The following LSAMP variants were observed in gnomAD, a reference collection of about 807,000 sequenced individuals.
The protein encoded by LSAMP is limbic system-associated membrane protein.
In LSAMP, 7 loss-of-function variants were observed where a neutral mutation model predicts 38.6. The ratio of observed to expected loss-of-function variants is 0.18; its 90% confidence interval spans 0.10 to 0.34. The LOEUF is 0.34. Ranked by LOEUF, LSAMP falls within the 10% of genes least tolerant of loss-of-function variation. The pLI is 1.00. For missense variants in LSAMP, 313 were observed against 420.0 expected (o/e 0.75, Z 2.23); for synonymous variants, 154 against 166.8 (o/e 0.92, Z 0.59).
rs115726668 is a variant in LSAMP, at chr3:116,197,733, C to T, written c.156-111177G>A. ...ACTGGGAAACTGACAGTCAGGGATC[C>T]GTATTTTTATTTTACAGATGTCTTT... On this transcript the variant is annotated intron_variant, in intron 1 of 6. Transcript: ENST00000490035. Among the ~76,000 whole-genome samples the T allele has an allele frequency of 8.4e-3, 1,278 of 152,152 alleles. 20 individuals carry two copies. Among genetic ancestry groups the T allele is most frequent in the African/African-American group, 0.029 (1,191 of 41,514 alleles).
At chr3:116,241,329 G>T (rs1195759337) in intron 1 of LSAMP, among the ~76,000 whole-genome samples, 1 of 152,238 alleles carries the variant, frequency 6.6e-6, no homozygotes, top group African/African-American at 2.4e-5. Context: ...CACTTTGGGA[G>T]GCTGAGACAG....
chr3:116,153,976 A>C (rs1215538018), intron 1 of LSAMP, among the ~76,000 whole-genome samples: 2 of 152,142 alleles, frequency 1.3e-5, no homozygotes. Flanking sequence ...TTTATTCAAA[A>C]AAATTGACAA....
Position 116,124,288 on chromosome 3 carries a change from T to C in LSAMP, c.156-37732A>G, listed in dbSNP as rs73858543. Among the ~76,000 whole-genome samples, 800 of 152,282 alleles carry C rather than the reference T, an allele frequency of 5.3e-3. 8 individuals are homozygous for C. The highest frequency in any genetic ancestry group is 0.018 in the African/African-American group (736 of 41,548). ...GAATAGAAGACCTACCATTCATATA[T>C]CCTTAGGGAACCAAATACATCACTG... is the stretch of plus-strand genomic sequence containing the variant. On this transcript the variant is annotated intron_variant, in intron 1 of 6. Coordinates refer to ENST00000490035, the MANE Select transcript of LSAMP (RefSeq NM_002338.5).
At chr3:116,406,762 G>T (rs2048903198) in intron 1 of LSAMP, among the ~76,000 whole-genome samples, 1 of 151,912 alleles carries the variant, frequency 6.6e-6, no homozygotes, top group South Asian at 2.1e-4. Flanking sequence ...TAAAATAAAT[G>T]GTCACTTTTG....
intron 3 of LSAMP, among the ~76,000 whole-genome samples, chr3:115,965,167 C>T (rs1330796122): frequency 1.3e-5 from 2 of 151,676 alleles, no homozygotes; most frequent in African/African-American, 2.4e-5. Context: ...TTGATATATA[C>T]AAAGAAAGTA....
intron 1 of LSAMP, among the ~76,000 whole-genome samples, chr3:116,188,440 C>G (rs1576420227): frequency 6.6e-6 from 1 of 152,262 alleles, no homozygotes; most frequent in East Asian, 1.9e-4. Flanking sequence ...ATCTGTGAAG[C>G]CTCAGGGCTT....
chr3:116,113,676 C>T (rs1448021884), intron 1 of LSAMP, among the ~76,000 whole-genome samples: 4 of 151,838 alleles, frequency 2.6e-5, no homozygotes, highest in Admixed American at 6.6e-5. Context: ...CCGCCCGCCT[C>T]GGCCTCCCAA....
In LSAMP at chr3:116,271,615, CA is replaced by C. The variant is rs1253482273; in HGVS notation, c.155+173261del. Reference sequence around the variant, plus strand: ...GGCCACATGCTTTAGGAATATTGAGCAAAAACATTCTACTCTACTAACAGTA... The same window carrying C: ...GGCCACATGCTTTAGGAATATTGAGCAAAACATTCTACTCTACTAACAGTA... On this transcript the variant is annotated intron_variant, in intron 1 of 6. Transcript: ENST00000490035. 2.6e-5 allele frequency among the ~76,000 whole-genome samples: 4 copies of C among 151,820 alleles called. No homozygotes were observed. The East Asian group carries it at 5.9e-4, about 22-fold the overall frequency.
chr3:116,137,399 G>C (rs1709274226), intron 1 of LSAMP, among the ~76,000 whole-genome samples: 1 of 152,006 alleles, frequency 6.6e-6, no homozygotes, highest in Non-Finnish European at 1.5e-5. Flanking sequence ...ACTATACTGA[G>C]TTTTATTTTA....
At chr3:115,882,681 C>T (rs1936351792) in intron 3 of LSAMP, among the ~76,000 whole-genome samples, 1 of 152,044 alleles carries the variant, frequency 6.6e-6, no homozygotes, top group Non-Finnish European at 1.5e-5. Flanking sequence ...TATGAATTTT[C>T]ATATGTCACA....
intron 1 of LSAMP, among the ~76,000 whole-genome samples, chr3:116,155,254 T>C (rs1160273899): frequency 6.6e-6 from 1 of 152,096 alleles, no homozygotes; most frequent in Non-Finnish European, 1.5e-5. Context: ...GACAGAGTTT[T>C]GCTCTTGTTG....
intron 1 of LSAMP, among the ~76,000 whole-genome samples, chr3:116,402,135 A>T (rs1282732939): frequency 6.6e-6 from 1 of 152,242 alleles, no homozygotes; most frequent in Non-Finnish European, 1.5e-5. Context: ...ACTGTGAAAT[A>T]GCTGATATTG....
intron 1 of LSAMP, among the ~76,000 whole-genome samples, chr3:116,114,763 T>C (rs1453428118): frequency 6.6e-6 from 1 of 152,244 alleles, no homozygotes; most frequent in Non-Finnish European, 1.5e-5. Flanking sequence ...GATTGTAGAC[T>C]CTAATAGGTC....
intron 3 of LSAMP, among the ~76,000 whole-genome samples, chr3:115,873,992 T>C: frequency 6.6e-6 from 1 of 152,184 alleles, no homozygotes; most frequent in East Asian, 1.9e-4. Flanking sequence ...AGAGCCTCTA[T>C]GTAATAAGAA....
At chr3:115,949,485 T>C (rs1164360425) in intron 3 of LSAMP, among the ~76,000 whole-genome samples, 1 of 151,188 alleles carries the variant, frequency 6.6e-6, no homozygotes, top group African/African-American at 2.4e-5. Context: ...ATCTAAAGGA[T>C]AGATAAATTC....
intron 6 of LSAMP, among the ~76,000 whole-genome samples, chr3:115,824,558 C>T (rs1022085261): frequency 4.6e-5 from 7 of 151,828 alleles, no homozygotes; most frequent in East Asian, 1.9e-4. Context: ...AAAAATTAGC[C>T]GGGTGTGGTG....
intron 1 of LSAMP, among the ~76,000 whole-genome samples, chr3:116,235,752 A>G (rs1041396106): frequency 2.6e-5 from 4 of 152,216 alleles, no homozygotes; most frequent in African/African-American, 4.8e-5. Context: ...CTTACTATAT[A>G]GAAAAAATTA....
At chr3:116,062,651 C>T (rs941386233) in intron 2 of LSAMP, among the ~76,000 whole-genome samples, 7 of 152,226 alleles carry the variant, frequency 4.6e-5, no homozygotes, top group South Asian at 4.1e-4. Flanking sequence ...CAGTCTTCTG[C>T]GAGCTTTTCA....
chr3:116,409,705 T>A (rs1342464806), intron 1 of LSAMP, among the ~76,000 whole-genome samples: 1 of 152,132 alleles, frequency 6.6e-6, no homozygotes, highest in Non-Finnish European at 1.5e-5. Flanking sequence ...GAGAAAGAGC[T>A]GTGCTTATTT....
Sources: allele counts gnomAD v4.1 joint callset (sites outside exome capture counted in the v4.1 genomes callset), GRCh38; gene constraint gnomAD v4.1.1; transcripts MANE v1.5; gene names NCBI Gene and HGNC (gene_info 2026-07-23, HGNC 2026-07-21).